ARHGEF40: variants seen among roughly 807,000 people sequenced by gnomAD.
ARHGEF40 encodes Rho guanine nucleotide exchange factor (GEF) 40.
A neutral mutation model predicts 165.9 loss-of-function variants in ARHGEF40; 98 were observed. That is an observed-to-expected ratio of 0.59 (90% confidence interval 0.50 to 0.70). The LOEUF is 0.70. Among genes scored for constraint, ARHGEF40 ranks in the 30% least tolerant of loss-of-function variants. The pLI, the probability that ARHGEF40 is intolerant of heterozygous loss-of-function variation, is 0.00. For missense variants in ARHGEF40, 1,815 were observed against 1,968.0 expected (o/e 0.92, Z 1.47); for synonymous variants, 792 against 814.3 (o/e 0.97, Z 0.47).
At chr14:21,087,756 A>G (rs1594584150) in intron 21 of ARHGEF40, 1 of 729,812 alleles carries the variant, frequency 1.4e-6, no homozygotes, top group East Asian at 2.5e-5. Flanking sequence ...GGCAATCCTT[A>G]TAGTTTCCTG....
chr14:21,080,697 T>C lies in ARHGEF40; in HGVS notation c.2411T>C (p.Leu804Pro). Residue 804 changes from leucine to proline, a missense_variant, in exon 12 of 24, where the codon CTG becomes CCG. By Grantham distance (98) the Leu-to-Pro change is moderately conservative. Transcript: ENST00000298694. ...QWLSGPGEEQ[L>P]ASFAMPGDTL... is the part of the protein sequence containing the mutation. ...CTCTCGGGCCCAGGGGAGGAGCAGC[T>C]GGCAAGCTTTGCTATGCCTGGGGAC... 6.2e-7 allele frequency: 1 copy of C among 1,612,092 alleles called. No homozygotes were observed. Among genetic ancestry groups the C allele is most frequent in the Non-Finnish European group, 8.5e-7 (1 of 1,179,360 alleles).
rs377594130 is a variant in ARHGEF40, at chr14:21,074,963, A to G, written c.1233A>G (p.Gln411=). 1.4e-5 allele frequency: 22 copies of G among 1,609,966 alleles called. No homozygotes were observed. The highest frequency in any genetic ancestry group is 1.9e-5 in the Non-Finnish European group (22 of 1,178,562). ...GGGACAAGGAAGATGCCAGCCACCA[A>G]GAAGCCCTTGGCAATCTGCCCTCAC... ...SPGDKEDASH[Q]EALGNLPSPS... Residue 411 remains glutamine, a synonymous_variant, in exon 3 of 24, where the codon CAA becomes CAG. Transcript: ENST00000298694. This position sits in a 1 kb window ranked among gnomAD's most constrained non-coding sequence, Gnocchi z 4.8.
intron 21 of ARHGEF40, 149 bp from the exon 22 acceptor site, chr14:21,087,819 G>C: frequency 9.5e-7 from 1 of 1,048,314 alleles, no homozygotes; most frequent in Non-Finnish European, 1.4e-6. Context: ...CCTGCCTCTT[G>C]GTAGGGGGTT....
rs560992398 is a variant in ARHGEF40, at chr14:21,084,915, G to T, written c.3952G>T (p.Ala1318Ser). The change falls in exon 18 of 24, where the codon GCC becomes TCC. Residue 1318 changes from alanine (A) to serine (S), a missense_variant. Ala to Ser is a moderately conservative substitution (Grantham distance 99). Transcript: ENST00000298694. ...GTCAGAGATGTTTGTTTACAAGCAG[G>T]CCTTTAAGGTACGATTCCTGGAGTG... ...GGSEMFVYKQ[A>S]FKTADMGLTE... The T allele has an allele frequency of 6.2e-7, 1 of 1,613,882 alleles. No homozygotes were observed. Among genetic ancestry groups the T allele is most frequent in the Admixed American group, 1.7e-5 (1 of 59,996 alleles).
chr14:21,062,070 A>T, the ARHGEF40 span, among the ~76,000 whole-genome samples: 1 of 152,362 alleles, frequency 6.6e-6, no homozygotes, highest in African/African-American at 2.4e-5. Flanking sequence ...TGATTATTAG[A>T]ATTTATTTCT....
chr14:21,080,660 G>A lies in ARHGEF40; in HGVS notation c.2374G>A (p.Val792Met), dbSNP rs765455053. The A allele has an allele frequency of 6.2e-7, 1 of 1,609,628 alleles. No individual in the cohort carries two copies. The highest frequency in any genetic ancestry group is 1.3e-5 in the African/African-American group (1 of 74,832). ...QRQCLRRLQQ[V>M]LQWLSGPGEE... ...TGCCCTCCCACCCCATCTGCCTCAGGTGTTGCAGTGGCTCTCGGGCCCAGG... is the reference window on the plus strand; with the variant it reads ...TGCCCTCCCACCCCATCTGCCTCAGATGTTGCAGTGGCTCTCGGGCCCAGG... Residue 792 changes from valine to methionine, a missense_variant and splice_region_variant, in exon 12 of 24, where the codon GTG (valine) becomes ATG (methionine). By Grantham distance (21) the Val-to-Met change is conservative. Coordinates refer to ENST00000298694, the MANE Select transcript of ARHGEF40 (RefSeq NM_018071.5).
At position 21,083,896 on chromosome 14, in the gene ARHGEF40, C is replaced by T. The variant is rs374248973; in HGVS notation, c.3635C>T (p.Thr1212Ile). 4 of 1,614,002 alleles carry T rather than the reference C, an allele frequency of 2.5e-6. No homozygotes were observed. In the African/African-American group the frequency reaches 5.3e-5, roughly 22 times the overall value. ...CTGCAGCAGCCTCTGGAACAGCTGA[C>T]TCGGTATGGGCGGCTCCTGGAGGAG... ...RALQQPLEQL[T>I]RYGRLLEELL... Residue 1212 changes from threonine to isoleucine, a missense_variant, in exon 17 of 24, where the codon ACT becomes ATT. By Grantham distance (89) the Thr-to-Ile change is moderately conservative. Transcript: ENST00000298694.
rs888844298 is a variant in ARHGEF40, at chr14:21,075,980, C to G, written c.1739+215C>G. ...AAAAGCAACACTGTTGACTTTCACTCTCTTCCAACCCTACCAAGATCATCA... is the reference window on the plus strand; with the variant it reads ...AAAAGCAACACTGTTGACTTTCACTGTCTTCCAACCCTACCAAGATCATCA... On this transcript the variant is annotated intron_variant, in intron 5 of 23. Transcript: ENST00000298694. The surrounding 1 kb of genome is among the most constrained non-coding windows in gnomAD (Gnocchi z 4.5). Among the ~76,000 whole-genome samples, 1 of 152,224 alleles carries G rather than the reference C, an allele frequency of 6.6e-6. No individual in the cohort carries two copies. Among genetic ancestry groups the G allele is most frequent in the African/African-American group, 2.4e-5 (1 of 41,462 alleles).
intron 13 of ARHGEF40, 158 bp from the exon 14 acceptor site, chr14:21,081,351 C>T: frequency 1.9e-6 from 2 of 1,076,536 alleles, no homozygotes; most frequent in Non-Finnish European, 2.6e-6. Context: ...CTCCGAGTGA[C>T]ATGGTTAGGC....
At position 21,072,934 on chromosome 14, in the gene ARHGEF40, A is replaced by G. The variant is rs1887093679; in HGVS notation, c.4-111A>G. On this transcript the variant is annotated intron_variant, in intron 1 of 23. Coordinates refer to ENST00000298694, the MANE Select transcript of ARHGEF40 (RefSeq NM_018071.5). The surrounding 1 kb of genome is among the most constrained non-coding windows in gnomAD (Gnocchi z 4.1). Reference sequence around the variant, plus strand: ...TCCTGAGTGCTCACTTTTTGCCCACATTGTACAATCGGGGCTTTGGAGAAC... The same window carrying G: ...TCCTGAGTGCTCACTTTTTGCCCACGTTGTACAATCGGGGCTTTGGAGAAC... 6 of 1,121,750 alleles carry G rather than the reference A, an allele frequency of 5.3e-6. No individual in the cohort carries two copies. The highest frequency in any genetic ancestry group is 2.2e-4 in the Middle Eastern group (1 of 4,466). 69.5% of individuals were successfully genotyped at this position (1,121,750 alleles called of 1,614,324 possible).
At chr14:21,081,207 G>A in intron 13 of ARHGEF40, 191 bp downstream of exon 13, 1 of 957,224 alleles carries the variant, frequency 1.0e-6, no homozygotes, top group South Asian at 1.7e-5. Context: ...TGCCTCCATA[G>A]ATCTACCTCA....
intron 23 of ARHGEF40, 40 bp from the exon 24 acceptor site, chr14:21,088,974 C>A: frequency 8.2e-7 from 1 of 1,213,672 alleles, no homozygotes; most frequent in Non-Finnish European, 1.2e-6. Context: ...CAGCTTCTTC[C>A]CTCTCCCAAC....
At chr14:21,088,448 G>A (rs1459418056) in intron 22 of ARHGEF40, among the ~76,000 whole-genome samples, 2 of 151,908 alleles carry the variant, frequency 1.3e-5, no homozygotes, top group Non-Finnish European at 2.9e-5. Context: ...AGAGGCTGAG[G>A]TGGGAGGATC....
intron 19 of ARHGEF40, 72 bp downstream of exon 19, chr14:21,085,938 G>C: frequency 6.5e-7 from 1 of 1,529,790 alleles, no homozygotes; most frequent in Non-Finnish European, 8.9e-7. Flanking sequence ...GAGAGTGTGC[G>C]AACTGCTTGG....
chr14:21,083,950 G>A lies in ARHGEF40; in HGVS notation c.3689G>A (p.Ser1230Asn). Reference protein sequence around the residue: ...ELLREAGPELSSECRALGAAV... With the variant: ...ELLREAGPELNSECRALGAAV... ...CTGAGGGAAGCTGGGCCTGAGCTCA[G>A]TTCTGAGTGCCGGGCCCTTGGGGCT... is the stretch of plus-strand genomic sequence containing the variant. The change falls in exon 17 of 24, where the codon AGT becomes AAT. Residue 1230 changes from serine to asparagine, a missense_variant. Coordinates refer to ENST00000298694, the MANE Select transcript of ARHGEF40 (RefSeq NM_018071.5). The A allele has an allele frequency of 6.2e-7, 1 of 1,614,030 alleles. No individual in the cohort carries two copies. The highest frequency in any genetic ancestry group is 2.2e-5 in the East Asian group (1 of 44,884).
chr14:21,076,594 T>C lies in ARHGEF40; in HGVS notation c.1868T>C (p.Leu623Pro). 1 of 1,614,234 alleles carries C rather than the reference T, an allele frequency of 6.2e-7. No individual in the cohort carries two copies. Among genetic ancestry groups the C allele is most frequent in the Non-Finnish European group, 8.5e-7 (1 of 1,180,042 alleles). ...DSGDPPLVQR[L>P]LILIHDDLPT... ...GGAGATCCTCCCCTTGTTCAGCGGC[T>C]GCTGATTCTCATTCATGATGACCTT... Residue 623 changes from leucine to proline, a missense_variant, in exon 7 of 24, where the codon CTG (leucine) becomes CCG (proline). Leu to Pro is a moderately conservative substitution (Grantham distance 98). Transcript: ENST00000298694.
chr14:21,079,129 C>T (rs1887672091), intron 11 of ARHGEF40, 119 bp downstream of exon 11: 2 of 1,333,504 alleles, frequency 1.5e-6, no homozygotes, highest in Non-Finnish European at 2.0e-6. Flanking sequence ...AACGCCCCTC[C>T]CTCCTCCTCA....
Position 21,074,013 on chromosome 14 carries a change from C to G in ARHGEF40, c.283C>G (p.Leu95Val), listed in dbSNP as rs776106113. ...HEQVVVQLAALPWQLLRPGDF... is the reference protein window; with the variant it reads ...HEQVVVQLAAVPWQLLRPGDF... ...ACAGGTGGTGGTGCAGCTAGCAGCC[C>G]TACCCTGGCAACTGCTGCGCCCAGG... The change falls in exon 3 of 24, where the codon CTA becomes GTA. Residue 95 changes from leucine (L) to valine (V), a missense_variant. Leu to Val is a conservative substitution (Grantham distance 32). Transcript: ENST00000298694. The surrounding 1 kb of genome is among the most constrained non-coding windows in gnomAD (Gnocchi z 4.8). The G allele has an allele frequency of 1.2e-6, 2 of 1,613,920 alleles. No homozygotes were observed. The highest frequency in any genetic ancestry group is 1.7e-5 in the Admixed American group (1 of 60,030).
At chr14:21,088,515 C>CA (rs5807065) in intron 22 of ARHGEF40, among the ~76,000 whole-genome samples, 98,352 of 142,416 alleles carry the variant, frequency 0.69, 34,197 homozygotes, top group Admixed American at 0.78. Flanking sequence ...TCCATCTCTA[C>CA]AAAAAAAAAA....
Sources: gnomAD v4.1 joint callset for allele counts (sites outside exome capture counted in the v4.1 genomes callset) on GRCh38, gnomAD v4.1.1 for gene constraint, Gnocchi (gnomAD v3.1) non-coding constraint, MANE v1.5 for transcripts, NCBI Gene and HGNC (gene_info 2026-07-23, HGNC 2026-07-21) for gene names.